Variants in LARGE1 observed in about 807,000 individuals in gnomAD.
The protein encoded by LARGE1 is xylosyl- and glucuronyltransferase LARGE1.
Under a neutral mutation model 87.6 loss-of-function variants are expected in LARGE1, and 43 were observed. The ratio of observed to expected loss-of-function variants is 0.49; its 90% CI spans 0.38 to 0.63. LARGE1 has a LOEUF of 0.63. Among genes scored for constraint, LARGE1 ranks in the 30% least tolerant of loss-of-function variants. The pLI, the probability that LARGE1 is intolerant of heterozygous loss-of-function variation, is 0.00. For synonymous variants in LARGE1, 434 were observed against 394.6 expected (o/e 1.10, Z -1.18); for missense variants, 802 against 1,000.2 (o/e 0.80, Z 2.67).
the LARGE1 span, among the ~76,000 whole-genome samples, chr22:33,084,876 C>CA: frequency 1.3e-5 from 2 of 152,162 alleles, no homozygotes; most frequent in African/African-American, 4.8e-5. Flanking sequence ...ACAACATCCT[C>CA]AAAATCTAGT....
intron 2 of LARGE1, among the ~76,000 whole-genome samples, chr22:33,760,508 C>T (rs776364061): frequency 2.5e-4 from 38 of 152,194 alleles, no homozygotes; most frequent in Non-Finnish European, 2.9e-4. Context: ...TCCATCACAA[C>T]GCGCATCGCA....
the LARGE1 span, among the ~76,000 whole-genome samples, chr22:33,134,475 T>C: frequency 2.0e-5 from 3 of 152,208 alleles, no homozygotes; most frequent in Non-Finnish European, 4.4e-5. Context: ...GCTAGGATGA[T>C]ATCAATCTCC....
chr22:33,181,989 AT>A (rs999070069), intron 11 of LARGE1, among the ~76,000 whole-genome samples: 286 of 151,772 alleles, frequency 1.9e-3, no homozygotes, highest in African/African-American at 6.1e-3. Flanking sequence ...CACCCGGCTA[AT>A]TTTTGTATTT....
chr22:33,304,573 T>C (rs1934617876), intron 11 of LARGE1, 66 bp from the exon 12 acceptor site: 1 of 1,465,748 alleles, frequency 6.8e-7, no homozygotes, highest in Non-Finnish European at 9.1e-7. Flanking sequence ...CCGGGCCTGT[T>C]GTGGGGCTCT....
intron 11 of LARGE1, among the ~76,000 whole-genome samples, chr22:33,170,794 A>G (rs1922527342): frequency 6.6e-6 from 1 of 152,220 alleles, no homozygotes; most frequent in Non-Finnish European, 1.5e-5. Flanking sequence ...AATTGGTACC[A>G]TCAGTGGTAC....
the LARGE1 span, among the ~76,000 whole-genome samples, chr22:33,106,413 A>G: frequency 1.3e-5 from 2 of 152,248 alleles, no homozygotes. Context: ...ACAAGAGTCC[A>G]GGTGGGAGTG....
chr22:33,797,599 A>T (rs1237406992), intron 1 of LARGE1, among the ~76,000 whole-genome samples: 1 of 152,172 alleles, frequency 6.6e-6, no homozygotes, highest in Non-Finnish European at 1.5e-5. Context: ...AAACCGCAGG[A>T]GACAAGTGAC....
chr22:33,213,753 T>C (rs2146238471), intron 11 of LARGE1, among the ~76,000 whole-genome samples: 1 of 152,384 alleles, frequency 6.6e-6, no homozygotes, highest in Middle Eastern at 3.4e-3. Flanking sequence ...GACTGCAGTA[T>C]ACTGTAAACA....
intron 11 of LARGE1, among the ~76,000 whole-genome samples, chr22:33,305,277 A>G (rs149287190): frequency 0.025 from 3,721 of 151,630 alleles, 104 homozygotes; most frequent in African/African-American, 0.066. Flanking sequence ...CTACTACCCC[A>G]GGGCGCCAGG....
chr22:33,199,204 G>A (rs1242724065), intron 11 of LARGE1, among the ~76,000 whole-genome samples: 1 of 81,788 alleles, frequency 1.2e-5, no homozygotes, highest in African/African-American at 1.1e-4. Flanking sequence ...CGCTGTTTGA[G>A]GTTTTTTTTT....
chr22:33,835,401 G>A (rs889932350), intron 1 of LARGE1, among the ~76,000 whole-genome samples: 1 of 152,206 alleles, frequency 6.6e-6, no homozygotes, highest in African/African-American at 2.4e-5. Context: ...AGGCTGCAAG[G>A]ACTTCCTAGT....
chr22:33,505,245 G>A lies in LARGE1; in HGVS notation c.787+59603C>T, dbSNP rs568446347. On this transcript the variant is annotated intron_variant, in intron 6 of 14. Coordinates refer to ENST00000397394, the MANE Select transcript of LARGE1 (RefSeq NM_133642.5). ...AGGACCACGATTAGTGGAATAGAGC[G>A]GCCTGCTAGAGCAGACATCCATCCT... Among the ~76,000 whole-genome samples the A allele has an allele frequency of 6.6e-5, 10 of 152,324 alleles. No individual in the cohort carries two copies. The South Asian group carries it at 8.3e-4, about 13-fold the overall frequency.
At chr22:33,095,867 T>C in the LARGE1 span, among the ~76,000 whole-genome samples, 31,901 of 151,920 alleles carry the variant, frequency 0.21, 3,720 homozygotes, top group East Asian at 0.41. Flanking sequence ...TAGCTTTAAA[T>C]AGACCTACCC....
chr22:33,268,059 G>T (rs530244830), downstream of LARGE1, among the ~76,000 whole-genome samples: 1 of 151,066 alleles, frequency 6.6e-6, no homozygotes, highest in South Asian at 2.1e-4. Context: ...GGGCTGAGGC[G>T]ATTCTCCTCT....
intron 2 of LARGE1, among the ~76,000 whole-genome samples, chr22:33,736,910 A>T (rs2083675835): frequency 6.6e-6 from 1 of 152,220 alleles, no homozygotes; most frequent in Non-Finnish European, 1.5e-5. Context: ...TGCCATGGTC[A>T]CAAAAGGAGT....
intron 7 of LARGE1, among the ~76,000 whole-genome samples, chr22:33,427,223 C>T (rs758360150): frequency 3.6e-4 from 55 of 152,306 alleles, no homozygotes; most frequent in Non-Finnish European, 7.2e-4. Context: ...CGGTTGGAAA[C>T]TGACCCGTTT....
At chr22:33,118,550 G>A in the LARGE1 span, among the ~76,000 whole-genome samples, 2 of 150,030 alleles carry the variant, frequency 1.3e-5, no homozygotes, top group Non-Finnish European at 3.0e-5. Context: ...AGGAAGAAGA[G>A]AGACAAAAAA....
chr22:33,454,674 G>T (rs1340236473), intron 6 of LARGE1, among the ~76,000 whole-genome samples: 3 of 151,558 alleles, frequency 2.0e-5, no homozygotes, highest in African/African-American at 4.9e-5. Context: ...TCATGGTTCT[G>T]CAGGCTGTAC....
Position 33,166,942 on chromosome 22 carries a change from G to A in LARGE1, c.1731-110C>T, listed in dbSNP as rs191097474. ...AACCACACACTTCAATTCCTCAAGT[G>A]GGTCTAAATTTCAGAGCGAAACTCC... On this transcript the variant is annotated intron_variant, in intron 11 of 11. Transcript: ENST00000608642. 19 of 436,328 alleles carry A rather than the reference G, an allele frequency of 4.4e-5. No homozygotes were observed. In the East Asian group the frequency reaches 1.2e-3, roughly 28 times the overall value. The allele number at this position is 436,328 out of a possible 1,614,324, so 27.0% of individuals were successfully genotyped here.
Sources: gnomAD v4.1 joint callset for allele counts (sites outside exome capture counted in the v4.1 genomes callset) on GRCh38, gnomAD v4.1.1 for gene constraint, MANE v1.5 for transcripts, NCBI Gene and HGNC (gene_info 2026-07-23, HGNC 2026-07-21) for gene names.